Variants in RAB3B observed in about 807,000 individuals in gnomAD.
RAB3B encodes ras-related protein Rab-3B.
In RAB3B, 11 loss-of-function variants were observed where a neutral mutation model predicts 20.5. The ratio of observed to expected loss-of-function variants is 0.54; its 90% confidence interval spans 0.34 to 0.89. RAB3B has a LOEUF of 0.89. Ranked by LOEUF, RAB3B falls within the 40% of genes least tolerant of loss-of-function variation. The pLI is 0.02. For missense variants in RAB3B, 225 were observed against 280.9 expected, an observed-to-expected ratio of 0.80 and a Z score of 1.42; for synonymous variants, 99 against 106.3, an observed-to-expected ratio of 0.93 and a Z score of 0.42.
chr1:51,919,917 T>C lies in RAB3B; in HGVS notation c.*10A>G, dbSNP rs1173242090. ...CCACAATGAGGGGAGGTCAGGAAGGTGGGCCTTGCCTAGCATGAGCAGTTC... is the reference window on the plus strand; with the variant it reads ...CCACAATGAGGGGAGGTCAGGAAGGCGGGCCTTGCCTAGCATGAGCAGTTC... On this transcript the variant is annotated 3_prime_UTR_variant, in exon 5 of 5. Coordinates refer to ENST00000371655, the MANE Select transcript of RAB3B (RefSeq NM_002867.4). 1 of 1,607,018 alleles carries C rather than the reference T, an allele frequency of 6.2e-7. No homozygotes were observed. The highest frequency in any genetic ancestry group is 8.5e-7 in the Non-Finnish European group (1 of 1,176,048).
At chr1:51,958,839 A>G (rs1473982487) in intron 2 of RAB3B, among the ~76,000 whole-genome samples, 1 of 152,250 alleles carries the variant, frequency 6.6e-6, no homozygotes, top group Non-Finnish European at 1.5e-5. Context: ...GGGGTGGCAC[A>G]AAACTTGATC....
At chr1:51,982,302 C>T (rs1383839312) in intron 1 of RAB3B, among the ~76,000 whole-genome samples, 4 of 152,216 alleles carry the variant, frequency 2.6e-5, no homozygotes, top group Non-Finnish European at 4.4e-5. Context: ...AATCCCAACA[C>T]TTTGGGAGGC....
chr1:51,948,556 T>A (rs1684593297), intron 2 of RAB3B, among the ~76,000 whole-genome samples: 1 of 152,204 alleles, frequency 6.6e-6, no homozygotes, highest in Non-Finnish European at 1.5e-5. Flanking sequence ...GTCTACAGTG[T>A]CTGTTACCAT....
At chr1:51,935,135 G>A (rs1054944551) in intron 3 of RAB3B, among the ~76,000 whole-genome samples, 1 of 152,160 alleles carries the variant, frequency 6.6e-6, no homozygotes, top group African/African-American at 2.4e-5. Flanking sequence ...ATAAATGAAC[G>A]AGCCAGTGAA....
At chr1:51,961,615 A>G (rs79474603) in intron 2 of RAB3B, among the ~76,000 whole-genome samples, 2,584 of 152,202 alleles carry the variant, frequency 0.017, 20 homozygotes, top group Non-Finnish European at 0.027. Context: ...ATTATAAGGG[A>G]AAAACTGCAA....
At chr1:51,980,721 A>G (rs1685075151) in intron 1 of RAB3B, 1 of 756,196 alleles carries the variant, frequency 1.3e-6, no homozygotes, top group East Asian at 2.4e-5. Flanking sequence ...ACAGCAAAGT[A>G]GTCAGGAATC....
chr1:51,951,685 A>C (rs1050671026), intron 2 of RAB3B, among the ~76,000 whole-genome samples: 9 of 152,022 alleles, frequency 5.9e-5, no homozygotes, highest in African/African-American at 2.2e-4. Context: ...GGTGGCCTAC[A>C]CCTGTGGTCC....
Position 51,918,708 on chromosome 1 carries a change from A to G in RAB3B, c.*1219T>C, listed in dbSNP as rs1684121701. ...GTCACTTGTCAGAAAAAGGAAGGTTAGAACTGACTAGTCAGACTAGGTAAA... is the reference window on the plus strand; with the variant it reads ...GTCACTTGTCAGAAAAAGGAAGGTTGGAACTGACTAGTCAGACTAGGTAAA... On this transcript the variant is annotated 3_prime_UTR_variant, in exon 5 of 5. Coordinates refer to ENST00000371655, the MANE Select transcript of RAB3B (RefSeq NM_002867.4). 1 of 152,224 alleles carries G rather than the reference A, an allele frequency of 6.6e-6. No individual in the cohort carries two copies. Among genetic ancestry groups the G allele is most frequent in the Non-Finnish European group, 1.5e-5 (1 of 68,032 alleles). 9.4% of individuals were successfully genotyped at this position (152,224 alleles called of 1,614,324 possible).
chr1:51,975,552 A>C (rs182570111), intron 2 of RAB3B, among the ~76,000 whole-genome samples: 85 of 152,308 alleles, frequency 5.6e-4, no homozygotes, highest in African/African-American at 2.0e-3. Context: ...CTGGCCTTTT[A>C]CATCTCTCAC....
At chr1:51,963,971 AC>A (rs1381299902) in intron 2 of RAB3B, among the ~76,000 whole-genome samples, 1 of 152,058 alleles carries the variant, frequency 6.6e-6, no homozygotes, top group Non-Finnish European at 1.5e-5. Flanking sequence ...CTACCACCAT[AC>A]GAACGTGCTG....
intron 1 of RAB3B, among the ~76,000 whole-genome samples, chr1:51,989,743 G>C (rs112061270): frequency 6.6e-6 from 1 of 151,260 alleles, no homozygotes; most frequent in Non-Finnish European, 1.5e-5. Flanking sequence ...TTCCTCTGCA[G>C]CAGGGTAGAC....
chr1:51,947,021 C>T (rs1571966759), intron 2 of RAB3B, among the ~76,000 whole-genome samples: 1 of 152,212 alleles, frequency 6.6e-6, no homozygotes, highest in East Asian at 1.9e-4. Context: ...AAGTTTGAGT[C>T]CCCAGTTGAT....
chr1:51,942,975 C>T (rs1452111725), intron 2 of RAB3B, among the ~76,000 whole-genome samples: 2 of 152,226 alleles, frequency 1.3e-5, no homozygotes, highest in African/African-American at 4.8e-5. Context: ...AGGCAGTGAA[C>T]TTAATGTTGT....
In RAB3B at chr1:51,908,647, T is replaced by A. The variant is rs537003580; in HGVS notation, c.*11280A>T. 7.2e-5 allele frequency: 11 copies of A among 151,996 alleles called. No individual in the cohort carries two copies. Among genetic ancestry groups the A allele is most frequent in the Non-Finnish European group, 1.2e-4 (8 of 67,998 alleles). The allele number at this position is 151,996 out of a possible 1,614,324, so 9.4% of individuals were successfully genotyped here. On this transcript the variant is annotated 3_prime_UTR_variant, in exon 5 of 5. Coordinates refer to ENST00000371655, the MANE Select transcript of RAB3B (RefSeq NM_002867.4). The stretch of plus-strand genomic sequence containing the variant: ...GGAAGTCATACGTAGACAAAACAGA[T>A]GTTTAGGTTTTCTCTTCAGCAGGCT...
At chr1:51,928,609 G>A (rs1684280290) in intron 4 of RAB3B, among the ~76,000 whole-genome samples, 1 of 152,178 alleles carries the variant, frequency 6.6e-6, no homozygotes. Flanking sequence ...GAGGAAGGCT[G>A]AACATCCCCC....
intron 1 of RAB3B, among the ~76,000 whole-genome samples, chr1:51,979,136 G>A (rs1685049316): frequency 6.6e-6 from 1 of 152,128 alleles, no homozygotes; most frequent in African/African-American, 2.4e-5. Flanking sequence ...GCACTTACAT[G>A]GAGGAAGAAA....
At chr1:51,989,206 TTTTG>T (rs897781397) in intron 1 of RAB3B, among the ~76,000 whole-genome samples, 4 of 98,180 alleles carry the variant, frequency 4.1e-5, no homozygotes, top group Non-Finnish European at 5.6e-5. Flanking sequence ...GCCCATCTTG[TTTTG>T]TGTGTGTGTG....
intron 2 of RAB3B, among the ~76,000 whole-genome samples, chr1:51,952,691 G>A (rs572263524): frequency 1.3e-5 from 2 of 151,898 alleles, no homozygotes; most frequent in Non-Finnish European, 2.9e-5. Flanking sequence ...ATGAACAAAG[G>A]AATGAATAAA....
At position 51,940,130 on chromosome 1, in the gene RAB3B, A is replaced by C. The variant is rs544040855; in HGVS notation, c.229-2718T>G. Among the ~76,000 whole-genome samples the C allele has an allele frequency of 3.3e-5, 5 of 152,328 alleles. No individual in the cohort carries two copies. In the South Asian group the frequency reaches 1.0e-3, roughly 32 times the overall value. On this transcript the variant is annotated intron_variant, in intron 2 of 4. Coordinates refer to ENST00000371655, the MANE Select transcript of RAB3B (RefSeq NM_002867.4). ...AGGAAACTAAGATTCATTCAGAACT[A>C]ATCTGTCTCTCTCCTGCACCCATTA...
Sources: allele counts gnomAD v4.1 joint callset (sites outside exome capture counted in the v4.1 genomes callset), GRCh38; gene constraint gnomAD v4.1.1; transcripts MANE v1.5; gene names NCBI Gene and HGNC (gene_info 2026-07-23, HGNC 2026-07-21).